The following SOX5 variants were observed in gnomAD, a reference collection of about 807,000 sequenced individuals.
The protein encoded by SOX5 is SRY-box transcription factor 5, also known as transcription factor SOX-5.
SOX5 carries 9 observed loss-of-function variants against 92.0 expected under a neutral mutation model. The ratio of observed to expected loss-of-function variants is 0.10; its 90% confidence interval spans 0.06 to 0.17. The LOEUF (loss-of-function observed/expected upper bound fraction) is 0.17. Among genes scored for constraint, SOX5 ranks in the 10% least tolerant of loss-of-function variants. SOX5 has a pLI of 1.00. For synonymous variants in SOX5, 344 were observed against 336.3 expected (o/e 1.02, Z -0.25); for missense variants, 642 against 944.5 (o/e 0.68, Z 4.20).
intron 1 of SOX5, among the ~76,000 whole-genome samples, chr12:23,934,208 G>A (rs1368097809): frequency 6.6e-6 from 1 of 151,272 alleles, no homozygotes; most frequent in African/African-American, 2.4e-5. Context: ...TGTGATTACT[G>A]ATACAATAGT....
chr12:24,014,381 C>T (rs1163738366), intron 4 of SOX5, among the ~76,000 whole-genome samples: 2 of 152,174 alleles, frequency 1.3e-5, no homozygotes, highest in East Asian at 1.9e-4. Context: ...GTTTAGCCAA[C>T]CTGCCTAAAG....
chr12:23,838,143 T>G (rs1029230912), intron 3 of SOX5, among the ~76,000 whole-genome samples: 3 of 142,264 alleles, frequency 2.1e-5, no homozygotes, highest in African/African-American at 7.7e-5. Context: ...TTATATTACA[T>G]ATATTTATAT....
intron 4 of SOX5, chr12:24,213,198 C>A (rs1958828599): frequency 6.6e-6 from 1 of 151,754 alleles, no homozygotes; most frequent in African/African-American, 2.4e-5. Flanking sequence ...TGCTCAACTT[C>A]TTACATTATT....
intron 7 of SOX5, 57 bp downstream of exon 7, chr12:23,665,387 C>A: frequency 6.3e-7 from 1 of 1,578,994 alleles, no homozygotes. Context: ...TATTAAATTG[C>A]CTAATTTAAA....
chr12:23,869,241 T>C (rs1408599906), intron 2 of SOX5, among the ~76,000 whole-genome samples: 1 of 152,166 alleles, frequency 6.6e-6, no homozygotes, highest in African/African-American at 2.4e-5. Flanking sequence ...ACTTGCCTAG[T>C]GTTCCACACA....
intron 4 of SOX5, among the ~76,000 whole-genome samples, chr12:24,038,228 CGT>C (rs1182163322): frequency 6.6e-6 from 1 of 152,128 alleles, no homozygotes; most frequent in Non-Finnish European, 1.5e-5. Context: ...CAGAGTAAAA[CGT>C]GTATCTTGGG....
intron 9 of SOX5, among the ~76,000 whole-genome samples, chr12:23,598,980 T>A (rs1002787115): frequency 1.3e-5 from 2 of 152,220 alleles, no homozygotes; most frequent in Non-Finnish European, 2.9e-5. Flanking sequence ...CTGGTGTGTA[T>A]GTGTACCACA....
intron 6 of SOX5, among the ~76,000 whole-genome samples, chr12:23,685,032 A>T (rs964521941): frequency 2.0e-5 from 3 of 152,100 alleles, no homozygotes; most frequent in Non-Finnish European, 2.9e-5. Context: ...ATCTTCCTTG[A>T]CTATTTCTCA....
chr12:23,903,419 TA>T (rs995052471), intron 1 of SOX5, among the ~76,000 whole-genome samples: 1 of 151,982 alleles, frequency 6.6e-6, no homozygotes. Flanking sequence ...TCCATTTCTA[TA>T]AAAAAATTTC....
intron 3 of SOX5, among the ~76,000 whole-genome samples, chr12:23,797,522 A>T (rs1311428873): frequency 6.6e-6 from 1 of 151,942 alleles, no homozygotes. Context: ...GCCCTTCCAC[A>T]AAAAAGAAAA....
chr12:24,016,041 C>T (rs137990625), intron 4 of SOX5, among the ~76,000 whole-genome samples: 6 of 152,234 alleles, frequency 3.9e-5, no homozygotes, highest in Admixed American at 6.5e-5. Context: ...GAAGAAAGGC[C>T]AAGGCCAACC....
At chr12:23,949,947 G>A (rs939312958), upstream of SOX5, among the ~76,000 whole-genome samples, 4 of 151,854 alleles carry the variant, frequency 2.6e-5, no homozygotes, top group East Asian at 5.8e-4. Context: ...CAGGGTGCCT[G>A]TCCTTTCCTT....
At chr12:24,249,225 G>A (rs1555196008) in intron 3 of SOX5, among the ~76,000 whole-genome samples, 1 of 152,154 alleles carries the variant, frequency 6.6e-6, no homozygotes, top group Non-Finnish European at 1.5e-5. Flanking sequence ...CCTTTCATAG[G>A]CTTGCACTTG....
intron 8 of SOX5, among the ~76,000 whole-genome samples, chr12:23,638,925 A>C (rs1230724893): frequency 6.6e-6 from 1 of 151,994 alleles, no homozygotes; most frequent in Non-Finnish European, 1.5e-5. Flanking sequence ...TGTTTATGTA[A>C]ATGTGTTTTA....
Position 24,001,875 on chromosome 12 carries a change from G to A in SOX5, c.-1-105851C>T, listed in dbSNP as rs1951644112. 3.3e-5 allele frequency among the ~76,000 whole-genome samples: 5 copies of A among 152,260 alleles called. No individual in the cohort carries two copies. In the South Asian group the frequency reaches 1.0e-3, roughly 32 times the overall value. ...GTTACTTGGGAGGCTGAGGTGGGATGACCACTGGAGCCCATGAGTTCAAAG... is the reference window on the plus strand; with the variant it reads ...GTTACTTGGGAGGCTGAGGTGGGATAACCACTGGAGCCCATGAGTTCAAAG... On this transcript the variant is annotated intron_variant, in intron 4 of 4. Coordinates refer to the SOX5 transcript ENST00000446891.
At chr12:24,458,950 G>T (rs1414264938) in intron 1 of SOX5, among the ~76,000 whole-genome samples, 1 of 152,110 alleles carries the variant, frequency 6.6e-6, no homozygotes, top group African/African-American at 2.4e-5. Context: ...CTCTCCCACT[G>T]CAATCACTTT....
At chr12:24,233,758 C>A (rs1413767508) in intron 3 of SOX5, among the ~76,000 whole-genome samples, 1 of 152,168 alleles carries the variant, frequency 6.6e-6, no homozygotes, top group African/African-American at 2.4e-5. Flanking sequence ...GCAGCCAGCA[C>A]AAGGAAGACC....
intron 2 of SOX5, among the ~76,000 whole-genome samples, chr12:24,330,093 T>C (rs1400974233): frequency 3.9e-5 from 6 of 151,948 alleles, no homozygotes; most frequent in Admixed American, 6.6e-5. Flanking sequence ...GAATAGAATA[T>C]ATAACTCCCA....
At chr12:24,111,899 C>A (rs1358587349) in intron 4 of SOX5, among the ~76,000 whole-genome samples, 1 of 152,302 alleles carries the variant, frequency 6.6e-6, no homozygotes, top group Non-Finnish European at 1.5e-5. Context: ...GCCTTCTCTA[C>A]ATTCCTTCTT....
Sources: gnomAD v4.1 joint callset for allele counts (sites outside exome capture counted in the v4.1 genomes callset) on GRCh38, gnomAD v4.1.1 for gene constraint, MANE v1.5 for transcripts, NCBI Gene and HGNC (gene_info 2026-07-23, HGNC 2026-07-21) for gene names.